Variants in TRIM9 observed in about 807,000 individuals in gnomAD.
TRIM9 encodes E3 ubiquitin-protein ligase TRIM9.
A neutral mutation model predicts 78.3 loss-of-function variants in TRIM9; 26 were observed. The observed-to-expected ratio is 0.33, with a 90% CI of 0.24 to 0.46. The LOEUF (loss-of-function observed/expected upper bound fraction) is 0.46, where lower values mean the gene tolerates loss of function less well. Ranked by LOEUF, TRIM9 falls within the 20% of genes least tolerant of loss-of-function variation. The pLI, the probability that TRIM9 is intolerant of heterozygous loss-of-function variation, is 1.00. For missense variants in TRIM9, 787 were observed against 1,036.4 expected (o/e 0.76, Z 3.30); for synonymous variants, 398 against 416.5 (o/e 0.96, Z 0.54).
intron 1 of TRIM9, among the ~76,000 whole-genome samples, chr14:51,040,718 G>A (rs1173956707): frequency 6.6e-6 from 1 of 151,230 alleles, no homozygotes; most frequent in Non-Finnish European, 1.5e-5. Flanking sequence ...TCTTTACTTT[G>A]ATTATGAGTT....
intron 3 of TRIM9, among the ~76,000 whole-genome samples, chr14:51,019,042 A>C (rs2057494236): frequency 6.6e-6 from 1 of 152,266 alleles, no homozygotes; most frequent in African/African-American, 2.4e-5. Context: ...GCATATGTAA[A>C]GTTTCTGAAG....
intron 1 of TRIM9, among the ~76,000 whole-genome samples, chr14:51,061,955 G>A (rs191387042): frequency 1.6e-3 from 251 of 152,196 alleles, no homozygotes; most frequent in African/African-American, 5.1e-3. Context: ...TATCCCACAC[G>A]TTTCAGACCA....
chr14:50,989,092 C>T (rs1252811043), intron 7 of TRIM9, among the ~76,000 whole-genome samples: 1 of 152,186 alleles, frequency 6.6e-6, no homozygotes, highest in Non-Finnish European at 1.5e-5. Context: ...TGAGGCCAGT[C>T]ACCAATCCTC....
chr14:51,085,940 T>G (rs1421181521), intron 1 of TRIM9, among the ~76,000 whole-genome samples: 1 of 152,164 alleles, frequency 6.6e-6, no homozygotes, highest in Non-Finnish European at 1.5e-5. Flanking sequence ...ATTATATAGG[T>G]AAGGTAATTA....
At chr14:51,061,000 A>G (rs1318694842) in intron 1 of TRIM9, among the ~76,000 whole-genome samples, 1 of 152,220 alleles carries the variant, frequency 6.6e-6, no homozygotes, top group Non-Finnish European at 1.5e-5. Flanking sequence ...ATGGCATCTT[A>G]TTATGGCTCT....
chr14:50,977,400 G>A, intron 12 of TRIM9, 47 bp from the exon 13 acceptor site: 1 of 1,426,588 alleles, frequency 7.0e-7, no homozygotes, highest in Non-Finnish European at 9.3e-7. Flanking sequence ...GCATCCCCCT[G>A]TCCCTTTACA....
At chr14:51,066,649 T>C (rs915003256) in intron 1 of TRIM9, among the ~76,000 whole-genome samples, 1 of 152,230 alleles carries the variant, frequency 6.6e-6, no homozygotes, top group African/African-American at 2.4e-5. Flanking sequence ...GATTCTGGAA[T>C]TGAACAGCTC....
chr14:50,998,278 G>C, intron 6 of TRIM9, 90 bp from the exon 7 acceptor site: 1 of 1,235,798 alleles, frequency 8.1e-7, no homozygotes, highest in Non-Finnish European at 1.1e-6. Flanking sequence ...AGGAGCAAGA[G>C]CCCTGGTGTC....
intron 1 of TRIM9, among the ~76,000 whole-genome samples, chr14:51,058,215 A>G (rs1370975503): frequency 6.6e-6 from 1 of 152,196 alleles, no homozygotes; most frequent in Non-Finnish European, 1.5e-5. Context: ...ACAGGATGGC[A>G]CAATCATGGA....
intron 3 of TRIM9, among the ~76,000 whole-genome samples, chr14:51,013,286 CT>C (rs1423987568): frequency 6.7e-6 from 1 of 149,976 alleles, no homozygotes; most frequent in African/African-American, 2.5e-5. Flanking sequence ...ATTAAAAACA[CT>C]GCCTTTTTCC....
At chr14:51,036,113 T>C (rs2059127112) in intron 1 of TRIM9, among the ~76,000 whole-genome samples, 1 of 152,206 alleles carries the variant, frequency 6.6e-6, no homozygotes, top group Non-Finnish European at 1.5e-5. Context: ...AGTTTCTTTT[T>C]GCCATGCCCC....
chr14:50,977,409 C>T, intron 12 of TRIM9, 56 bp from the exon 13 acceptor site: 2 of 1,360,024 alleles, frequency 1.5e-6, no homozygotes, highest in Non-Finnish European at 2.0e-6. Flanking sequence ...TGTCCCTTTA[C>T]ACAGTGTACC....
At chr14:51,017,865 T>C (rs532438271) in intron 3 of TRIM9, among the ~76,000 whole-genome samples, 56 of 152,304 alleles carry the variant, frequency 3.7e-4, no homozygotes, top group Non-Finnish European at 7.4e-4. Context: ...GTATGGGGCT[T>C]CCTCGTGATT....
intron 1 of TRIM9, among the ~76,000 whole-genome samples, chr14:51,035,772 A>G (rs2059091811): frequency 6.6e-6 from 1 of 152,254 alleles, no homozygotes; most frequent in South Asian, 2.1e-4. Flanking sequence ...TCTATTCTGT[A>G]GTCCATCTCT....
chr14:51,077,933 T>C (rs1045103971), intron 1 of TRIM9, among the ~76,000 whole-genome samples: 1 of 152,256 alleles, frequency 6.6e-6, no homozygotes, highest in Non-Finnish European at 1.5e-5. Context: ...TCTGGGCATA[T>C]AAAAGCGTTT....
chr14:50,998,921 T>A (rs894070124), intron 6 of TRIM9, among the ~76,000 whole-genome samples: 1 of 152,226 alleles, frequency 6.6e-6, no homozygotes, highest in African/African-American at 2.4e-5. Context: ...AGCCTTAATA[T>A]GACAACTCTC....
At chr14:51,031,938 T>C (rs779664395) in intron 1 of TRIM9, among the ~76,000 whole-genome samples, 23 of 152,200 alleles carry the variant, frequency 1.5e-4, no homozygotes, top group Non-Finnish European at 2.2e-4. Flanking sequence ...CCTGACTCTA[T>C]GAGCTGTGTG....
At chr14:51,066,830 T>C (rs2061784126) in intron 1 of TRIM9, among the ~76,000 whole-genome samples, 1 of 152,186 alleles carries the variant, frequency 6.6e-6, no homozygotes, top group South Asian at 2.1e-4. Flanking sequence ...GGTGGTCGCC[T>C]GCGATTGACT....
intron 12 of TRIM9, among the ~76,000 whole-genome samples, chr14:50,978,235 G>A (rs1298518927): frequency 1.3e-5 from 2 of 152,132 alleles, no homozygotes; most frequent in Admixed American, 1.3e-4. Flanking sequence ...AGTTTCCAAG[G>A]CTGGTTCTGG....
Sources: allele counts gnomAD v4.1 joint callset (sites outside exome capture counted in the v4.1 genomes callset), GRCh38; gene constraint gnomAD v4.1.1; transcripts MANE v1.5; gene names NCBI Gene and HGNC (gene_info 2026-07-23, HGNC 2026-07-21).